SLC24A2: variants seen among roughly 807,000 people sequenced by gnomAD.
SLC24A2 encodes the protein solute carrier family 24 member 2.
A neutral mutation model predicts 62.0 loss-of-function variants in SLC24A2; 36 were observed. That is an observed-to-expected ratio of 0.58 (90% CI 0.44 to 0.77). SLC24A2 has a LOEUF of 0.77. Ranked by LOEUF, SLC24A2 falls within the 30% of genes least tolerant of loss-of-function variation. SLC24A2 has a pLI of 0.00. For synonymous variants in SLC24A2, 358 were observed against 294.0 expected, an observed-to-expected ratio of 1.22 and a Z score of -2.23; for missense variants, 846 against 817.9, an observed-to-expected ratio of 1.03 and a Z score of -0.42.
chr9:19,935,672 G>C, the SLC24A2 span, among the ~76,000 whole-genome samples: 434 of 152,252 alleles, frequency 2.9e-3, 12 homozygotes, highest in Admixed American at 0.022. Context: ...AGGTTCCTTG[G>C]CTGCCACTGA....
chr9:19,597,749 A>G (rs997442781), intron 4 of SLC24A2, among the ~76,000 whole-genome samples: 1 of 152,196 alleles, frequency 6.6e-6, no homozygotes, highest in Non-Finnish European at 1.5e-5. Flanking sequence ...TTTCCTAGAG[A>G]AAAAGGAAGC....
intron 2 of SLC24A2, among the ~76,000 whole-genome samples, chr9:19,710,367 C>A (rs78613327): frequency 6.6e-6 from 1 of 152,002 alleles, no homozygotes; most frequent in African/African-American, 2.4e-5. Context: ...GGAGAGGGCC[C>A]GGTATCACAG....
At chr9:20,285,849 G>C in the SLC24A2 span, among the ~76,000 whole-genome samples, 1 of 152,132 alleles carries the variant, frequency 6.6e-6, no homozygotes, top group Non-Finnish European at 1.5e-5. Flanking sequence ...ATGCACAGAG[G>C]GAAGTCCATT....
At chr9:19,542,027 G>C (rs986355626) in intron 8 of SLC24A2, among the ~76,000 whole-genome samples, 2 of 152,188 alleles carry the variant, frequency 1.3e-5, no homozygotes, top group Non-Finnish European at 2.9e-5. Flanking sequence ...TGACCCTTGC[G>C]CTTCCCAGGT....
the SLC24A2 span, among the ~76,000 whole-genome samples, chr9:20,226,616 T>C: frequency 1.3e-5 from 2 of 152,102 alleles, no homozygotes; most frequent in Non-Finnish European, 1.5e-5. Flanking sequence ...TGTGTGCACA[T>C]ATTCTCTTGG....
At chr9:20,247,736 T>C in the SLC24A2 span, among the ~76,000 whole-genome samples, 1 of 152,212 alleles carries the variant, frequency 6.6e-6, no homozygotes, top group African/African-American at 2.4e-5. Flanking sequence ...AATCAACTGT[T>C]TTCCAGAGTT....
At chr9:20,025,851 A>G in the SLC24A2 span, among the ~76,000 whole-genome samples, 1 of 152,186 alleles carries the variant, frequency 6.6e-6, no homozygotes, top group Non-Finnish European at 1.5e-5. Context: ...CTCAGTGAAC[A>G]GAGGAGTAGG....
the SLC24A2 span, among the ~76,000 whole-genome samples, chr9:19,829,731 A>T: frequency 6.7e-6 from 1 of 148,912 alleles, no homozygotes; most frequent in South Asian, 2.2e-4. Context: ...ATTGCCTCTA[A>T]AATATAGATA....
At chr9:20,126,926 G>C in the SLC24A2 span, among the ~76,000 whole-genome samples, 287 of 152,188 alleles carry the variant, frequency 1.9e-3, 1 homozygote, top group Middle Eastern at 0.01. Context: ...TTCTGAACTG[G>C]TTTCAGTTAC....
chr9:20,249,304 A>T, the SLC24A2 span, among the ~76,000 whole-genome samples: 1 of 152,184 alleles, frequency 6.6e-6, no homozygotes, highest in African/African-American at 2.4e-5. Context: ...GCCATTGTAT[A>T]ACTGTGAACC....
chr9:19,552,459 A>G (rs1834891278), intron 7 of SLC24A2, among the ~76,000 whole-genome samples: 1 of 152,180 alleles, frequency 6.6e-6, no homozygotes, highest in Non-Finnish European at 1.5e-5. Context: ...AGAAATAGGC[A>G]TGGGAGCCTT....
chr9:20,206,572 C>A, the SLC24A2 span, among the ~76,000 whole-genome samples: 2 of 152,254 alleles, frequency 1.3e-5, no homozygotes, highest in Middle Eastern at 6.8e-3. Flanking sequence ...TCACTGCAAC[C>A]TCTGCCTCCC....
upstream of SLC24A2, among the ~76,000 whole-genome samples, chr9:19,790,276 T>C (rs1311806321): frequency 6.6e-6 from 1 of 152,092 alleles, no homozygotes; most frequent in Non-Finnish European, 1.5e-5. Flanking sequence ...CATATACAAA[T>C]GTAAGAAAGT....
chr9:19,690,733 G>C (rs1394675042), intron 2 of SLC24A2, among the ~76,000 whole-genome samples: 1 of 152,078 alleles, frequency 6.6e-6, no homozygotes, highest in Non-Finnish European at 1.5e-5. Context: ...ATGAACACAA[G>C]TGATTCTGTA....
At chr9:19,579,796 T>C (rs1365772627) in intron 5 of SLC24A2, among the ~76,000 whole-genome samples, 1 of 152,132 alleles carries the variant, frequency 6.6e-6, no homozygotes, top group East Asian at 1.9e-4. Flanking sequence ...AAGAATCTTT[T>C]CAGAGTTTAG....
chr9:19,662,003 A>G (rs1352408409), intron 2 of SLC24A2, among the ~76,000 whole-genome samples: 1 of 152,072 alleles, frequency 6.6e-6, no homozygotes, highest in African/African-American at 2.4e-5. Flanking sequence ...CCTGAGCCTT[A>G]CTCATTCTTT....
At chr9:20,255,399 C>T in the SLC24A2 span, among the ~76,000 whole-genome samples, 195 of 152,262 alleles carry the variant, frequency 1.3e-3, no homozygotes, top group African/African-American at 4.6e-3. Context: ...AATAAGCTAC[C>T]CCCAAGTTAG....
chr9:20,188,967 T>C, the SLC24A2 span, among the ~76,000 whole-genome samples: 1 of 152,210 alleles, frequency 6.6e-6, no homozygotes, highest in African/African-American at 2.4e-5. Context: ...GTTATTCATA[T>C]TAATGTGAGT....
the SLC24A2 span, among the ~76,000 whole-genome samples, chr9:19,947,838 A>AAGAAAGAAAGAAAGAC: frequency 2.0e-5 from 3 of 150,640 alleles, no homozygotes; most frequent in Non-Finnish European, 4.4e-5. Context: ...GAAAGAAAGA[A>AAGAAAGAAAGAAAGAC]AGAAAGAAAG....
Sources: allele counts gnomAD v4.1 joint callset (sites outside exome capture counted in the v4.1 genomes callset), GRCh38; gene constraint gnomAD v4.1.1; transcripts MANE v1.5; gene names NCBI Gene and HGNC (gene_info 2026-07-23, HGNC 2026-07-21).